The following PJA2 variants were observed in gnomAD, a reference collection of about 807,000 sequenced individuals.
PJA2 encodes the protein praja ring finger ubiquitin ligase 2.
Under a neutral mutation model 69.3 loss-of-function variants are expected in PJA2, and 25 were observed. The observed-to-expected ratio is 0.36, with a 90% CI of 0.26 to 0.50. PJA2 has a LOEUF of 0.50. Among genes scored for constraint, PJA2 ranks in the 20% least tolerant of loss-of-function variants. PJA2 has a pLI of 0.96. For missense variants in PJA2, 809 were observed against 830.2 expected (o/e 0.97, Z 0.31); for synonymous variants, 308 against 277.8 (o/e 1.11, Z -1.08).
chr5:109,374,235 T>C (rs1441629241), intron 4 of PJA2, among the ~76,000 whole-genome samples: 1 of 152,190 alleles, frequency 6.6e-6, no homozygotes, highest in African/African-American at 2.4e-5. Flanking sequence ...TCCCATGAAC[T>C]CCCTAGCATA....
At chr5:109,368,260 C>T (rs1554054321) in intron 5 of PJA2, among the ~76,000 whole-genome samples, 1 of 152,212 alleles carries the variant, frequency 6.6e-6, no homozygotes, top group Non-Finnish European at 1.5e-5. Flanking sequence ...CTCCCTTGAG[C>T]AATGACAGTG....
At chr5:109,407,315 AT>A (rs1747715595) in intron 1 of PJA2, among the ~76,000 whole-genome samples, 2 of 137,296 alleles carry the variant, frequency 1.5e-5, no homozygotes, top group African/African-American at 2.8e-5. Flanking sequence ...TCAAAAAAAT[AT>A]ATATAAGAAA....
intron 7 of PJA2, among the ~76,000 whole-genome samples, chr5:109,351,927 G>A (rs1418572238): frequency 6.6e-6 from 1 of 152,078 alleles, no homozygotes; most frequent in African/African-American, 2.4e-5. Context: ...TTAAATAAAT[G>A]CATACTGAAC....
At chr5:109,351,809 A>G (rs773766744) in intron 7 of PJA2, among the ~76,000 whole-genome samples, 6 of 152,112 alleles carry the variant, frequency 3.9e-5, no homozygotes, top group Non-Finnish European at 8.8e-5. Flanking sequence ...TGAGAAACAA[A>G]CAAACAAAAA....
At chr5:109,369,845 C>A (rs1762646103) in intron 4 of PJA2, among the ~76,000 whole-genome samples, 1 of 152,018 alleles carries the variant, frequency 6.6e-6, no homozygotes, top group South Asian at 2.1e-4. Flanking sequence ...GCAGCCTGAC[C>A]AACATAGAGA....
chr5:109,373,389 G>T (rs1265281645), intron 4 of PJA2, among the ~76,000 whole-genome samples: 5 of 151,894 alleles, frequency 3.3e-5, no homozygotes, highest in Non-Finnish European at 7.4e-5. Context: ...TCATTGAAGA[G>T]GAAATTAAAA....
chr5:109,357,147 A>C (rs1762426328), intron 6 of PJA2, among the ~76,000 whole-genome samples: 1 of 152,040 alleles, frequency 6.6e-6, no homozygotes, highest in East Asian at 1.9e-4. Context: ...CTACATTTCT[A>C]GTTGTCTGGG....
At chr5:109,389,258 TC>T (rs1747230899) in intron 1 of PJA2, among the ~76,000 whole-genome samples, 1 of 152,166 alleles carries the variant, frequency 6.6e-6, no homozygotes, top group South Asian at 2.1e-4. Flanking sequence ...GGCAGATTTG[TC>T]AGTGAAGCCA....
chr5:109,356,066 T>A (rs369244814), intron 6 of PJA2, 40 bp from the exon 7 acceptor site: 11 of 1,359,858 alleles, frequency 8.1e-6, no homozygotes, highest in Non-Finnish European at 1.0e-5. Context: ...CTCACCACTA[T>A]GATTTGGGAA....
chr5:109,409,266 C>G (rs1283155947), intron 1 of PJA2: 1 of 152,230 alleles, frequency 6.6e-6, no homozygotes, highest in Non-Finnish European at 1.5e-5. Context: ...ACTGCTGCGG[C>G]TCGAGCGGGG....
intron 6 of PJA2, among the ~76,000 whole-genome samples, chr5:109,359,800 A>T (rs954787834): frequency 4.6e-5 from 7 of 152,224 alleles, no homozygotes; most frequent in Non-Finnish European, 1.0e-4. Flanking sequence ...CATCTAAATA[A>T]GGTTTGTAGA....
At chr5:109,409,650 G>A (rs1316052828) in intron 1 of PJA2, among the ~76,000 whole-genome samples, 192 bp downstream of exon 1, 1 of 151,980 alleles carries the variant, frequency 6.6e-6, no homozygotes, top group Non-Finnish European at 1.5e-5. Context: ...GGCCCAGGAG[G>A]CGAAGAAGGC....
At chr5:109,356,688 C>CT (rs1163145201) in intron 6 of PJA2, among the ~76,000 whole-genome samples, 9 of 152,054 alleles carry the variant, frequency 5.9e-5, no homozygotes, top group Admixed American at 5.2e-4. Flanking sequence ...TTACTCACGG[C>CT]TTTTTTCTTT....
chr5:109,395,682 T>C (rs1699269978), intron 1 of PJA2, among the ~76,000 whole-genome samples: 1 of 152,132 alleles, frequency 6.6e-6, no homozygotes, highest in Non-Finnish European at 1.5e-5. Flanking sequence ...TAAAGACATG[T>C]AGCTCATTTT....
At chr5:109,341,099 C>G (rs1366051135) in intron 9 of PJA2, among the ~76,000 whole-genome samples, 1 of 123,540 alleles carries the variant, frequency 8.1e-6, no homozygotes, top group Non-Finnish European at 1.8e-5. Flanking sequence ...GCCTGGCCAC[C>G]CATCGTCTGG....
rs907590086 is a variant in PJA2 at position 109,335,642 on chromosome 5, T to C, written c.*1589A>G. ...GAAATTAATTTTAATCTGTTTTGACTCCTTGACACTAACTGATCATTAATG... is the reference window on the plus strand; with the variant it reads ...GAAATTAATTTTAATCTGTTTTGACCCCTTGACACTAACTGATCATTAATG... On this transcript the variant is annotated 3_prime_UTR_variant, in exon 10 of 10. Coordinates refer to ENST00000361189, the MANE Select transcript of PJA2 (RefSeq NM_014819.5). The C allele has an allele frequency of 2.6e-5, 4 of 152,220 alleles. No individual in the cohort carries two copies. Among genetic ancestry groups the C allele is most frequent in the Admixed American group, 2.6e-4 (4 of 15,282 alleles). The allele number at this position is 152,220 out of a possible 1,614,324, so 9.4% of individuals were successfully genotyped here. A position where few individuals can be genotyped will look rare whatever the true frequency, so the allele number is the denominator to read the frequency against.
intron 4 of PJA2, among the ~76,000 whole-genome samples, chr5:109,369,184 T>C (rs1762632242): frequency 6.6e-6 from 1 of 152,140 alleles, no homozygotes; most frequent in African/African-American, 2.4e-5. Flanking sequence ...CTTTATAAAT[T>C]ACCCAGTCTC....
At chr5:109,382,180 T>C (rs769927156) in intron 2 of PJA2, among the ~76,000 whole-genome samples, 4 of 152,132 alleles carry the variant, frequency 2.6e-5, no homozygotes, top group Non-Finnish European at 5.9e-5. Flanking sequence ...ACAAGTAACC[T>C]CTTTAAATGG....
chr5:109,356,832 T>C (rs1205820788), intron 6 of PJA2, among the ~76,000 whole-genome samples: 1 of 152,130 alleles, frequency 6.6e-6, no homozygotes, highest in African/African-American at 2.4e-5. Context: ...TCCTAACTGC[T>C]CATTTTTAAT....
Sources: allele counts gnomAD v4.1 joint callset (sites outside exome capture counted in the v4.1 genomes callset), GRCh38; gene constraint gnomAD v4.1.1; transcripts MANE v1.5; gene names NCBI Gene and HGNC (gene_info 2026-07-23, HGNC 2026-07-21).